Variants in CNBD1 observed in about 807,000 individuals in gnomAD.
CNBD1 encodes cyclic nucleotide-binding domain-containing protein 1.
Under a neutral mutation model 54.4 loss-of-function variants are expected in CNBD1, and 71 were observed. The observed-to-expected ratio is 1.30, with a 90% CI of 1.08 to 1.59. The LOEUF (loss-of-function observed/expected upper bound fraction) is 1.59, where lower values mean the gene tolerates loss of function less well. Ranked by LOEUF, CNBD1 falls within the 40% of genes most tolerant of loss-of-function variation. The pLI, the probability that CNBD1 is intolerant of heterozygous loss-of-function variation, is 0.00. For missense variants in CNBD1, 659 were observed against 518.0 expected (o/e 1.27, Z -2.64); for synonymous variants, 182 against 170.7 (o/e 1.07, Z -0.51).
intron 8 of CNBD1, among the ~76,000 whole-genome samples, chr8:87,327,757 C>A (rs573621369): frequency 2.6e-5 from 4 of 152,274 alleles, no homozygotes; most frequent in Non-Finnish European, 5.9e-5. Context: ...AGAAATCACC[C>A]GTCTTCTGCG....
intron 8 of CNBD1, among the ~76,000 whole-genome samples, chr8:87,306,502 G>T (rs1011196297): frequency 6.6e-6 from 1 of 152,126 alleles, no homozygotes. Context: ...CAATCCAAAT[G>T]CCCATCAATC....
chr8:87,342,922 C>T (rs991288537), intron 8 of CNBD1, among the ~76,000 whole-genome samples: 1 of 152,102 alleles, frequency 6.6e-6, no homozygotes, highest in Non-Finnish European at 1.5e-5. Flanking sequence ...CTAGAATTCA[C>T]CAGGCTGGAA....
intron 8 of CNBD1, among the ~76,000 whole-genome samples, chr8:87,309,238 T>C (rs1330639227): frequency 6.6e-6 from 1 of 152,168 alleles, no homozygotes; most frequent in East Asian, 1.9e-4. Flanking sequence ...TGCATTCTCA[T>C]CAGCATTTGT....
intron 10 of CNBD1, among the ~76,000 whole-genome samples, chr8:87,366,003 A>G (rs562864193): frequency 6.6e-6 from 1 of 152,230 alleles, no homozygotes; most frequent in Admixed American, 6.6e-5. Flanking sequence ...GTTGCCAAAT[A>G]TTCTCAGTTG....
intron 8 of CNBD1, among the ~76,000 whole-genome samples, chr8:87,299,333 AC>A (rs1379119671): frequency 3.3e-5 from 5 of 152,110 alleles, no homozygotes; most frequent in Non-Finnish European, 7.4e-5. Flanking sequence ...TGTTTAGATC[AC>A]AATGCGGTTT....
intron 4 of CNBD1, among the ~76,000 whole-genome samples, chr8:87,176,907 A>C (rs1426102758): frequency 1.3e-5 from 2 of 152,194 alleles, no homozygotes; most frequent in African/African-American, 4.8e-5. Flanking sequence ...AGAATACTTT[A>C]AAAATACATT....
intron 5 of CNBD1, among the ~76,000 whole-genome samples, chr8:87,225,771 G>A (rs894267474): frequency 3.3e-5 from 5 of 150,306 alleles, no homozygotes; most frequent in African/African-American, 9.8e-5. Flanking sequence ...AGTTAGGGAG[G>A]ATTCCCTCTT....
chr8:87,040,615 G>A (rs528338013), intron 4 of CNBD1, among the ~76,000 whole-genome samples: 2 of 151,330 alleles, frequency 1.3e-5, no homozygotes, highest in African/African-American at 4.8e-5. Flanking sequence ...TAGTAGAGAT[G>A]GGGTTTCATG....
intron 3 of CNBD1, among the ~76,000 whole-genome samples, chr8:86,918,414 A>C (rs1809221105): frequency 2.0e-5 from 3 of 152,118 alleles, no homozygotes; most frequent in Admixed American, 1.3e-4. Context: ...AGGTAAGTGT[A>C]AGCATGCTGA....
chr8:86,990,707 G>T (rs1257268909), intron 4 of CNBD1, among the ~76,000 whole-genome samples: 1 of 151,978 alleles, frequency 6.6e-6, no homozygotes, highest in African/African-American at 2.4e-5. Flanking sequence ...TTTTCTGATT[G>T]CTTTTTCTAT....
chr8:87,350,939 C>G (rs942824085), intron 8 of CNBD1, among the ~76,000 whole-genome samples: 2 of 152,036 alleles, frequency 1.3e-5, no homozygotes, highest in Middle Eastern at 3.4e-3. Flanking sequence ...TGTATCTTGG[C>G]CTTAGAGTGA....
intron 4 of CNBD1, among the ~76,000 whole-genome samples, chr8:87,062,216 T>A (rs1046507622): frequency 1.3e-5 from 2 of 152,206 alleles, no homozygotes; most frequent in Non-Finnish European, 2.9e-5. Context: ...TAAAGTTAAT[T>A]TCAATGAATA....
chr8:86,976,147 T>C, intron 4 of CNBD1, among the ~76,000 whole-genome samples: 1 of 151,102 alleles, frequency 6.6e-6, no homozygotes, highest in East Asian at 1.9e-4. Context: ...GATTTATGAT[T>C]TGCAAATATT....
chr8:87,097,223 T>C (rs1376776639), intron 4 of CNBD1, among the ~76,000 whole-genome samples: 1 of 152,224 alleles, frequency 6.6e-6, no homozygotes, highest in Non-Finnish European at 1.5e-5. Flanking sequence ...ACATGGTCCT[T>C]TTTAAAATAT....
intron 6 of CNBD1, among the ~76,000 whole-genome samples, chr8:87,243,971 A>G (rs1038129460): frequency 6.6e-6 from 1 of 152,148 alleles, no homozygotes; most frequent in African/African-American, 2.4e-5. Context: ...TTTATGGGGA[A>G]TATGAGCCCT....
intron 5 of CNBD1, among the ~76,000 whole-genome samples, chr8:87,215,449 A>G (rs1031459603): frequency 6.6e-6 from 1 of 152,054 alleles, no homozygotes; most frequent in African/African-American, 2.4e-5. Flanking sequence ...TTAGCTGGGC[A>G]TGGTGGCGGG....
chr8:87,121,533 T>C (rs1029698224), intron 4 of CNBD1, among the ~76,000 whole-genome samples: 1 of 151,810 alleles, frequency 6.6e-6, no homozygotes, highest in African/African-American at 2.4e-5. Context: ...AAATTAAACT[T>C]GTAATTTACT....
intron 6 of CNBD1, among the ~76,000 whole-genome samples, chr8:87,266,740 C>T (rs902266725): frequency 1.3e-5 from 2 of 152,028 alleles, no homozygotes; most frequent in Admixed American, 6.6e-5. Flanking sequence ...GCTTGAGCTA[C>T]TGCACCCAGC....
At chr8:86,889,881 A>G (rs1808741888) in intron 2 of CNBD1, among the ~76,000 whole-genome samples, 1 of 152,124 alleles carries the variant, frequency 6.6e-6, no homozygotes, top group African/African-American at 2.4e-5. Flanking sequence ...AAAATGTACA[A>G]GAGTTTTCTG....
Sources: allele counts gnomAD v4.1 joint callset (sites outside exome capture counted in the v4.1 genomes callset), GRCh38; gene constraint gnomAD v4.1.1; transcripts MANE v1.5; gene names NCBI Gene and HGNC (gene_info 2026-07-23, HGNC 2026-07-21).